Variants in RBFOX1 observed in about 807,000 individuals in gnomAD.
RBFOX1 encodes RNA binding protein fox-1 homolog 1.
Under a neutral mutation model 57.7 loss-of-function variants are expected in RBFOX1, and 8 were observed. The observed-to-expected ratio is 0.14, with a 90% CI of 0.08 to 0.25. The LOEUF (loss-of-function observed/expected upper bound fraction) is 0.25, where lower values mean the gene tolerates loss of function less well. RBFOX1 is among the 10% of genes least tolerant of loss of function. RBFOX1 has a pLI of 1.00. For synonymous variants in RBFOX1, 326 were observed against 222.4 expected, an observed-to-expected ratio of 1.47 and a Z score of -4.15; for missense variants, 611 against 548.5, an observed-to-expected ratio of 1.11 and a Z score of -1.14.
At chr16:6,438,185 A>G (rs187836840) in intron 2 of RBFOX1, among the ~76,000 whole-genome samples, 7 of 152,358 alleles carry the variant, frequency 4.6e-5, no homozygotes, top group African/African-American at 1.7e-4. Context: ...AGACCGTACA[A>G]TGTAATAATT....
chr16:6,328,933 A>G lies in RBFOX1; in HGVS notation c.-64+11876A>G, dbSNP rs542610261. Among the ~76,000 whole-genome samples the G allele has an allele frequency of 2.0e-5, 3 of 152,260 alleles. 1 individual carries two copies. Among genetic ancestry groups the G allele is most frequent in the African/African-American group, 7.2e-5 (3 of 41,568 alleles). ...AAAATGAAAGACAAGGATCCAACCA[A>G]CAAGTGGGTGGGAATCAGATGTCTA... On this transcript the variant is annotated intron_variant, in intron 2 of 15. Coordinates refer to ENST00000550418, the MANE Select transcript of RBFOX1 (RefSeq NM_018723.4).
intron 4 of RBFOX1, among the ~76,000 whole-genome samples, chr16:7,133,423 A>G (rs907554351): frequency 5.3e-5 from 8 of 152,180 alleles, no homozygotes; most frequent in African/African-American, 1.7e-4. Context: ...TTCCAAAGAG[A>G]AGTAGTTGAA....
At chr16:5,686,177 A>G (rs117749817) in intron 3 of RBFOX1, among the ~76,000 whole-genome samples, 22 of 152,290 alleles carry the variant, frequency 1.4e-4, no homozygotes, top group Non-Finnish European at 2.8e-4. Flanking sequence ...GCAACATGGA[A>G]TGTAGAAATG....
At chr16:6,723,991 G>GT in intron 3 of RBFOX1, 1 of 152,206 alleles carries the variant, frequency 6.6e-6, no homozygotes, top group Middle Eastern at 3.4e-3. Context: ...TCACTTAACC[G>GT]TTTGGGAGAA....
Position 7,709,666 on chromosome 16 carries a change from C to T in RBFOX1, c.1071+535C>T, listed in dbSNP as rs1021417522. The stretch of plus-strand genomic sequence containing the variant: ...GAGAGGGGCACACTTTGTGTGTGTA[C>T]CTAGTACATAAGAAAGTAGAAGGAA... On this transcript the variant is annotated intron_variant, in intron 15 of 15. Transcript: ENST00000550418. 24 of 1,504,208 alleles carry T rather than the reference C, an allele frequency of 1.6e-5. No homozygotes were observed. The African/African-American group carries it at 2.7e-4, about 17-fold the overall frequency. The allele number at this position is 1,504,208 out of a possible 1,614,324, so 93.2% of individuals were successfully genotyped here.
At chr16:5,893,887 G>A (rs905273993) in intron 4 of RBFOX1, among the ~76,000 whole-genome samples, 2 of 151,840 alleles carry the variant, frequency 1.3e-5, no homozygotes, top group African/African-American at 4.8e-5. Flanking sequence ...ACATAAACAA[G>A]TAAAGTGTGC....
rs1008287120 is a variant in RBFOX1 at position 7,120,844 on chromosome 16, C to T, written c.27+68746C>T. On this transcript the variant is annotated intron_variant, in intron 4 of 15. Coordinates refer to ENST00000550418, the MANE Select transcript of RBFOX1 (RefSeq NM_018723.4). ...ATATGTATATATACACACACACACA[C>T]ACACACACACACACATACGTAAACA... Among the ~76,000 whole-genome samples the T allele has an allele frequency of 5.4e-3, 806 of 150,044 alleles. 4 individuals are homozygous for T. Among genetic ancestry groups the T allele is most frequent in the African/African-American group, 0.019 (764 of 40,964 alleles).
intron 3 of RBFOX1, among the ~76,000 whole-genome samples, chr16:6,715,916 C>A (rs768791909): frequency 6.6e-6 from 1 of 152,170 alleles, no homozygotes; most frequent in African/African-American, 2.4e-5. Context: ...CAGCCTCATA[C>A]CCTGCTTCTC....
chr16:5,894,901 A>G (rs558410796), intron 4 of RBFOX1, among the ~76,000 whole-genome samples: 54 of 152,234 alleles, frequency 3.5e-4, no homozygotes, highest in African/African-American at 1.3e-3. Context: ...AGGTGCCTGT[A>G]GTCCCCTTCT....
At chr16:7,461,775 G>T (rs1259171356) in intron 4 of RBFOX1, among the ~76,000 whole-genome samples, 1 of 151,998 alleles carries the variant, frequency 6.6e-6, no homozygotes, top group African/African-American at 2.4e-5. Flanking sequence ...CGGAGGTAGT[G>T]AGTGTTGGCA....
At chr16:6,101,320 G>A (rs1269249118) in intron 1 of RBFOX1, among the ~76,000 whole-genome samples, 1 of 152,106 alleles carries the variant, frequency 6.6e-6, no homozygotes, top group Non-Finnish European at 1.5e-5. Context: ...GCAGACAGTT[G>A]TAAAAACCAC....
Position 7,678,323 on chromosome 16 carries a change from G to C in RBFOX1, c.995+1485G>C, listed in dbSNP as rs530183528. Among the ~76,000 whole-genome samples the C allele has an allele frequency of 3.3e-5, 5 of 152,218 alleles. No homozygotes were observed. The South Asian group carries it at 1.0e-3, about 32-fold the overall frequency. On this transcript the variant is annotated intron_variant, in intron 14 of 15. Transcript: ENST00000550418. ...TGACACTGGATTAGGAAAGTAGAGA[G>C]GGTCAATAAGACTAATAAAAATGAT...
At chr16:7,137,700 G>A (rs1297558860) in intron 4 of RBFOX1, among the ~76,000 whole-genome samples, 1 of 152,172 alleles carries the variant, frequency 6.6e-6, no homozygotes, top group Non-Finnish European at 1.5e-5. Flanking sequence ...CCTGATACGT[G>A]ACAACAGCAA....
intron 4 of RBFOX1, among the ~76,000 whole-genome samples, chr16:7,327,395 C>G (rs900768173): frequency 1.3e-5 from 2 of 152,122 alleles, no homozygotes; most frequent in African/African-American, 4.8e-5. Context: ...TGAAGGGCCT[C>G]AGATGCTGTA....
intron 4 of RBFOX1, among the ~76,000 whole-genome samples, chr16:6,009,830 G>GTGTGTGTGTGTGTA (rs1397242991): frequency 1.9e-4 from 29 of 152,014 alleles, no homozygotes; most frequent in African/African-American, 6.0e-4. Flanking sequence ...GTGTGTGTGT[G>GTGTGTGTGTGTGTA]TGTGTATAGG....
At chr16:6,870,532 A>G (rs1330400635) in intron 3 of RBFOX1, among the ~76,000 whole-genome samples, 1 of 152,216 alleles carries the variant, frequency 6.6e-6, no homozygotes, top group African/African-American at 2.4e-5. Context: ...CTAGTGGAAC[A>G]TACTGGATCA....
At chr16:5,420,192 T>C (rs1177768103) in intron 1 of RBFOX1, among the ~76,000 whole-genome samples, 1 of 152,166 alleles carries the variant, frequency 6.6e-6, no homozygotes, top group African/African-American at 2.4e-5. Context: ...GCAATGCTGG[T>C]TTGGGGTCAA....
chr16:6,016,944 C>T (rs1360577329), upstream of RBFOX1, among the ~76,000 whole-genome samples: 1 of 152,210 alleles, frequency 6.6e-6, no homozygotes, highest in Non-Finnish European at 1.5e-5. Flanking sequence ...ATGCCTCTCA[C>T]ACTCATATTC....
intron 1 of RBFOX1, among the ~76,000 whole-genome samples, chr16:5,464,280 C>T (rs1283970007): frequency 1.3e-5 from 2 of 152,164 alleles, no homozygotes; most frequent in African/African-American, 2.4e-5. Context: ...GTCAGGGGTC[C>T]CCAGTGGGGT....
Sources: allele counts gnomAD v4.1 joint callset (sites outside exome capture counted in the v4.1 genomes callset), GRCh38; gene constraint gnomAD v4.1.1; transcripts MANE v1.5; gene names NCBI Gene and HGNC (gene_info 2026-07-23, HGNC 2026-07-21).